The following FGF13 variants were observed in gnomAD, a reference collection of about 807,000 sequenced individuals.
FGF13 encodes the protein fibroblast growth factor 13.
FGF13 carries 2 observed loss-of-function variants against 19.5 expected under a neutral mutation model. The ratio of observed to expected loss-of-function variants is 0.10; its 90% CI spans 0.04 to 0.32. The LOEUF is 0.32. FGF13 is among the 10% of genes least tolerant of loss of function. FGF13 has a pLI of 1.00. For synonymous variants in FGF13, 72 were observed against 76.9 expected (o/e 0.94, Z 0.33); for missense variants, 113 against 192.7 (o/e 0.59, Z 2.45).
chrX:139,167,010 T>C (rs73570101), intron 1 of FGF13, among the ~76,000 whole-genome samples: 2,229 of 111,900 alleles, frequency 0.02, 50 homozygotes, highest in African/African-American at 0.068. Context: ...TCCTCTTTTA[T>C]GCTTCTGTGC....
rs2089041506 is a variant in FGF13, at chrX:138,624,561, A to G, written c.*8289T>C. 2.7e-5 allele frequency: 3 copies of G among 110,185 alleles called. No individual in the cohort carries two copies. In the Admixed American group the frequency reaches 2.9e-4, roughly 11 times the overall value. 9.1% of individuals were successfully genotyped at this position (110,185 alleles called of 1,213,427 possible). A position where few individuals can be genotyped will look rare whatever the true frequency, so the allele number is the denominator to read the frequency against. On this transcript the variant is annotated 3_prime_UTR_variant, in exon 5 of 5. Coordinates refer to ENST00000315930, the MANE Select transcript of FGF13 (RefSeq NM_004114.5). ...AGCACATGCAACAAAGTAAAAATAAACAAGTCAGACTACATTAAATTAAAA... is the reference window on the plus strand; with the variant it reads ...AGCACATGCAACAAAGTAAAAATAAGCAAGTCAGACTACATTAAATTAAAA...
rs761907242 is a variant in FGF13 at position 138,958,952 on chromosome X, T to C, written c.-112-94302A>G. Among the ~76,000 whole-genome samples the C allele has an allele frequency of 7.6e-4, 85 of 111,985 alleles. No individual in the cohort carries two copies. The Middle Eastern group carries it at 0.014, about 18-fold the overall frequency. On this transcript the variant is annotated intron_variant, in intron 1 of 2. Coordinates refer to the FGF13 transcript ENST00000421460. ...TCTTGCTAGTGATCTATCCGTTTTG[T>C]TGATCTTTTCAAAAACCCAGCTCCT...
At chrX:138,716,258 T>G (rs892270243), upstream of FGF13, 10 of 111,654 alleles carry the variant, frequency 9.0e-5, no homozygotes, top group African/African-American at 3.3e-4. Context: ...CAACGTCGAG[T>G]AACACTGGGA....
intron 1 of FGF13, among the ~76,000 whole-genome samples, chrX:138,925,273 A>G (rs190990650): frequency 0.012 from 1,367 of 111,350 alleles, 25 homozygotes; most frequent in African/African-American, 0.041. Flanking sequence ...GTCACACAGC[A>G]AGTTACGCCA....
chrX:139,006,450 A>C (rs2092101576), intron 1 of FGF13, among the ~76,000 whole-genome samples: 2 of 111,993 alleles, frequency 1.8e-5, no homozygotes, highest in African/African-American at 6.5e-5. Flanking sequence ...CTTCAGTAAA[A>C]AAGAAAAGAA....
chrX:138,676,631 G>A (rs1050573279), intron 3 of FGF13, among the ~76,000 whole-genome samples: 3 of 111,128 alleles, frequency 2.7e-5, no homozygotes, highest in African/African-American at 9.8e-5. Context: ...GAAGCGGTGA[G>A]GGTTTCGTGA....
chrX:139,135,065 T>C (rs1302474036), intron 1 of FGF13, among the ~76,000 whole-genome samples: 15 of 112,642 alleles, frequency 1.3e-4, no homozygotes, highest in Non-Finnish European at 2.3e-4. Flanking sequence ...TCATTCTTTT[T>C]AAATTGTTAA....
At chrX:138,737,299 T>A (rs939028345) in intron 1 of FGF13, among the ~76,000 whole-genome samples, 4 of 112,032 alleles carry the variant, frequency 3.6e-5, no homozygotes, top group Admixed American at 2.8e-4. Context: ...ATAAACCATG[T>A]GACCTTTCTT....
chrX:138,708,911 T>C lies in FGF13; in HGVS notation c.205A>G (p.Ile69Val). The C allele has an allele frequency of 1.7e-6, 2 of 1,194,784 alleles. No individual in the cohort carries two copies. Among genetic ancestry groups the C allele is most frequent in the Non-Finnish European group, 2.3e-6 (2 of 880,973 alleles). The change falls in exon 2 of 5, where the codon ATA (isoleucine) becomes GTA (valine). Residue 69 changes from isoleucine (I) to valine (V), a missense_variant. Ile to Val is a conservative substitution (Grantham distance 29, BLOSUM62 3). Coordinates refer to ENST00000315930, the MANE Select transcript of FGF13 (RefSeq NM_004114.5). ...RRRPEPQLKG[I>V]VTKLYSRQGY... ...TGTCGGCTGTATAGCTTGGTAACTA[T>C]ACCCTTAAGCTGAGGCTCTGCAAAG...
At chrX:138,663,961 T>C (rs766539620) in intron 3 of FGF13, among the ~76,000 whole-genome samples, 22 of 111,760 alleles carry the variant, frequency 2.0e-4, no homozygotes, top group Non-Finnish European at 3.6e-4. Flanking sequence ...AGCATCTTCT[T>C]TTGTGATTCA....
chrX:138,909,304 A>G lies in FGF13; in HGVS notation c.-112-44654T>C, dbSNP rs773021222. 1.3e-4 allele frequency among the ~76,000 whole-genome samples: 15 copies of G among 111,717 alleles called. No homozygotes were observed. In the South Asian group the frequency reaches 1.5e-3, roughly 11 times the overall value. On this transcript the variant is annotated intron_variant, in intron 1 of 2. Coordinates refer to the FGF13 transcript ENST00000421460. ...GATGTAGAAGCCGACAGAGTACCCA[A>G]ATGGAGCAGGTGGTAATTATGCCAC...
At chrX:138,804,463 T>A (rs764039193) in intron 3 of FGF13, among the ~76,000 whole-genome samples, 5 of 112,299 alleles carry the variant, frequency 4.5e-5, no homozygotes, top group African/African-American at 1.3e-4. Flanking sequence ...ACAATCATTA[T>A]TTGGAGCCAT....
intron 3 of FGF13, among the ~76,000 whole-genome samples, chrX:138,763,699 C>T (rs762263693): frequency 3.6e-5 from 4 of 111,673 alleles, no homozygotes; most frequent in Non-Finnish European, 7.5e-5. Context: ...TGCACTACCC[C>T]CTGCCCGCCT....
intron 1 of FGF13, among the ~76,000 whole-genome samples, chrX:138,873,954 G>T: frequency 1.1e-5 from 1 of 91,649 alleles, no homozygotes; most frequent in Middle Eastern, 5.6e-3. Flanking sequence ...ATTGAACAAT[G>T]AGGACACTTG....
intron 1 of FGF13, among the ~76,000 whole-genome samples, chrX:139,147,674 T>C (rs1392355530): frequency 9.0e-6 from 1 of 111,563 alleles, no homozygotes; most frequent in Non-Finnish European, 1.9e-5. Context: ...AACAGAGACA[T>C]GCTTCCTTGG....
chrX:138,769,704 C>T (rs538309157), intron 3 of FGF13, among the ~76,000 whole-genome samples: 1 of 112,015 alleles, frequency 8.9e-6, no homozygotes, highest in Non-Finnish European at 1.9e-5. Context: ...ACAATCTGAA[C>T]GTGTAAACAA....
At chrX:139,142,680 TAGA>T (rs2083854698) in intron 1 of FGF13, among the ~76,000 whole-genome samples, 1 of 111,236 alleles carries the variant, frequency 9.0e-6, no homozygotes, top group Non-Finnish European at 1.9e-5. Flanking sequence ...TCCTCATCTG[TAGA>T]AGAGTAAAAT....
intron 1 of FGF13, among the ~76,000 whole-genome samples, chrX:138,966,064 T>A (rs943302950): frequency 9.0e-6 from 1 of 111,472 alleles, no homozygotes; most frequent in Admixed American, 9.5e-5. Context: ...TCCATGAGGG[T>A]GTTGCTAAAG....
rs900066566 is a variant in FGF13 at position 138,627,641 on chromosome X, G to T, written c.*5209C>A. The T allele has an allele frequency of 7.4e-5, 8 of 107,527 alleles. No homozygotes were observed. The highest frequency in any genetic ancestry group is 2.7e-4 in the African/African-American group (8 of 29,207). 8.9% of individuals were successfully genotyped at this position (107,527 alleles called of 1,213,427 possible). On this transcript the variant is annotated 3_prime_UTR_variant, in exon 5 of 5. Coordinates refer to ENST00000315930, the MANE Select transcript of FGF13 (RefSeq NM_004114.5). ...TGTGTGTGTGTGCGCGTGTGTGTGTGTGTGTGTGTGAAGTGTTTGTACAAA... is the reference window on the plus strand; with the variant it reads ...TGTGTGTGTGTGCGCGTGTGTGTGTTTGTGTGTGTGAAGTGTTTGTACAAA...
Sources: allele counts gnomAD v4.1 joint callset (sites outside exome capture counted in the v4.1 genomes callset), GRCh38; gene constraint gnomAD v4.1.1; transcripts MANE v1.5; gene names NCBI Gene and HGNC (gene_info 2026-07-23, HGNC 2026-07-21).